The following PCDHGA9 variants were observed in gnomAD, a reference collection of about 807,000 sequenced individuals.
PCDHGA9 encodes the protein protocadherin gamma-A9.
A neutral mutation model predicts 62.5 loss-of-function variants in PCDHGA9; 37 were observed. The ratio of observed to expected loss-of-function variants is 0.59; its 90% CI spans 0.46 to 0.78. The LOEUF (loss-of-function observed/expected upper bound fraction) is 0.78, where lower values mean the gene tolerates loss of function less well. Ranked by LOEUF, PCDHGA9 falls within the 30% of genes least tolerant of loss-of-function variation. The probability of loss-of-function intolerance (pLI) is 0.00; values close to 1 mark genes in which losing one functional copy is unlikely to be tolerated. For synonymous variants in PCDHGA9, 459 were observed against 484.6 expected (o/e 0.95, Z 0.69); for missense variants, 1,138 against 1,166.2 (o/e 0.98, Z 0.35).
At position 141,403,189 on chromosome 5, in the gene PCDHGA9, G is replaced by A. The variant is rs1234686339; in HGVS notation, c.237G>A (p.Pro79=). 2 of 1,613,860 alleles carry A rather than the reference G, an allele frequency of 1.2e-6. No homozygotes were observed. Among genetic ancestry groups the A allele is most frequent in the South Asian group, 1.1e-5 (1 of 91,090 alleles). ...GGACGCAGCTTTTCTCTCTGAACCC[G>A]CGCAGCGGCACCTTGGTCACCGCGG... ...RGRTQLFSLN[P]RSGTLVTAGR... The change falls in exon 1 of 4, where the codon CCG becomes CCA. Residue 79 remains proline, a synonymous_variant. Coordinates refer to ENST00000573521, the MANE Select transcript of PCDHGA9 (RefSeq NM_018921.3).
chr5:141,494,449 G>A (rs185095384), intron 1 of PCDHGA9, among the ~76,000 whole-genome samples: 2 of 152,254 alleles, frequency 1.3e-5, no homozygotes, highest in East Asian at 3.9e-4. Flanking sequence ...CACTTTAGGG[G>A]GCTTTGTCTG....
At position 141,491,168 on chromosome 5, in the gene PCDHGA9, A is replaced by T. The variant is rs1293664414; in HGVS notation, c.2425-3639A>T. On this transcript the variant is annotated intron_variant, in intron 1 of 3. Transcript: ENST00000573521. This position sits in a 1 kb window ranked among gnomAD's most constrained non-coding sequence, Gnocchi z 6.9. ...CTGGAGGATGACTCTGACACCCAGC[A>T]GGTGGTGGTCCTGGTGAGGGACAAT... 3.1e-6 allele frequency: 5 copies of T among 1,614,160 alleles called. No individual in the cohort carries two copies. The highest frequency in any genetic ancestry group is 4.2e-6 in the Non-Finnish European group (5 of 1,179,988).
At chr5:141,435,728 A>T (rs549219746) in intron 1 of PCDHGA9, among the ~76,000 whole-genome samples, 1 of 152,200 alleles carries the variant, frequency 6.6e-6, no homozygotes, top group Non-Finnish European at 1.5e-5. Flanking sequence ...GCTAAAGTGT[A>T]TTACTCTTTG....
At chr5:141,444,358 A>T (rs2098433774) in intron 1 of PCDHGA9, among the ~76,000 whole-genome samples, 1 of 151,436 alleles carries the variant, frequency 6.6e-6, no homozygotes, top group Non-Finnish European at 1.5e-5. Context: ...TTTAGTAGAG[A>T]CGGGGTTTCT....
chr5:141,447,514 C>T (rs901543835), intron 1 of PCDHGA9, among the ~76,000 whole-genome samples: 20 of 152,196 alleles, frequency 1.3e-4, no homozygotes, highest in Admixed American at 8.5e-4. Context: ...AGATGCATAA[C>T]AATCATAACA....
Position 141,490,685 on chromosome 5 carries a change from A to G in PCDHGA9, c.2425-4122A>G, listed in dbSNP as rs2099703028. On this transcript the variant is annotated intron_variant, in intron 1 of 3. Coordinates refer to ENST00000573521, the MANE Select transcript of PCDHGA9 (RefSeq NM_018921.3). The surrounding 1 kb of genome is among the most constrained non-coding windows in gnomAD (Gnocchi z 5.4). ...TGCACTGTGGCTGCCTCAGATCCAGACACTGGGGATAATGCCCGCCTCACC... is the reference window on the plus strand; with the variant it reads ...TGCACTGTGGCTGCCTCAGATCCAGGCACTGGGGATAATGCCCGCCTCACC... The G allele has an allele frequency of 1.9e-6, 3 of 1,614,030 alleles. No individual in the cohort carries two copies. Among genetic ancestry groups the G allele is most frequent in the South Asian group, 2.2e-5 (2 of 91,082 alleles).
chr5:141,446,482 CTT>C (rs112180482), intron 1 of PCDHGA9, among the ~76,000 whole-genome samples: 6 of 147,048 alleles, frequency 4.1e-5, no homozygotes, highest in East Asian at 4.0e-4. Context: ...GGTCATCATT[CTT>C]TTTTTTTTTT....
chr5:141,454,894 G>A (rs1371368633), intron 1 of PCDHGA9, among the ~76,000 whole-genome samples: 2 of 126,736 alleles, frequency 1.6e-5, no homozygotes, highest in Non-Finnish European at 3.1e-5. Context: ...TGCTAGCACC[G>A]CCTCCCGGGT....
intron 1 of PCDHGA9, chr5:141,409,339 T>G: frequency 6.2e-7 from 1 of 1,613,954 alleles, no homozygotes; most frequent in South Asian, 1.1e-5. Context: ...TCGGAGGAAA[T>G]GGAGAAGTCA....
intron 1 of PCDHGA9, among the ~76,000 whole-genome samples, chr5:141,448,573 AT>A (rs976781630): frequency 1.3e-5 from 2 of 151,652 alleles, no homozygotes; most frequent in East Asian, 1.9e-4. Flanking sequence ...TTATTTCCCC[AT>A]TTTTTTTACA....
Position 141,432,691 on chromosome 5 carries a change from G to A in PCDHGA9, c.2424+27315G>A, listed in dbSNP as rs1308174141. Reference sequence around the variant, plus strand: ...ACGCGCTCAAGCAGAGCCTCGTAGTGGCCGTCCAGGACCACGGCCAGCCCC... The same window carrying A: ...ACGCGCTCAAGCAGAGCCTCGTAGTAGCCGTCCAGGACCACGGCCAGCCCC... On this transcript the variant is annotated intron_variant, in intron 1 of 3. Transcript: ENST00000573521. The surrounding 1 kb of genome is among the most constrained non-coding windows in gnomAD (Gnocchi z 6.0). 1 of 1,613,942 alleles carries A rather than the reference G, an allele frequency of 6.2e-7. No individual in the cohort carries two copies. Among genetic ancestry groups the A allele is most frequent in the South Asian group, 1.1e-5 (1 of 91,068 alleles).
intron 1 of PCDHGA9, among the ~76,000 whole-genome samples, chr5:141,457,384 G>A (rs2154565902): frequency 6.6e-6 from 1 of 152,270 alleles, no homozygotes; most frequent in African/African-American, 2.4e-5. Context: ...CCCAGAACTA[G>A]CATATTGATT....
intron 2 of PCDHGA9, among the ~76,000 whole-genome samples, chr5:141,502,988 C>A (rs1285178746): frequency 6.7e-6 from 1 of 150,346 alleles, no homozygotes; most frequent in Non-Finnish European, 1.5e-5. Flanking sequence ...GGATTACAGG[C>A]GTGTGCCACC....
Position 141,456,055 on chromosome 5 carries a change from G to A in PCDHGA9, c.2425-38752G>A, listed in dbSNP as rs78682041. On this transcript the variant is annotated intron_variant, in intron 1 of 3. Coordinates refer to ENST00000573521, the MANE Select transcript of PCDHGA9 (RefSeq NM_018921.3). Reference sequence around the variant, plus strand: ...TGGGACTACAGGCGCCCACCACCACGTCCGGCTAATTTTTTGTATTTTCAG... The same window carrying A: ...TGGGACTACAGGCGCCCACCACCACATCCGGCTAATTTTTTGTATTTTCAG... Among the ~76,000 whole-genome samples, 302 of 151,836 alleles carry A rather than the reference G, an allele frequency of 2.0e-3. 1 individual carries two copies. The highest frequency in any genetic ancestry group is 0.01 in the Middle Eastern group (3 of 292).
At position 141,491,150 on chromosome 5, in the gene PCDHGA9, A is replaced by G; in HGVS notation, c.2425-3657A>G. On this transcript the variant is annotated intron_variant, in intron 1 of 3. Coordinates refer to ENST00000573521, the MANE Select transcript of PCDHGA9 (RefSeq NM_018921.3). This position sits in a 1 kb window ranked among gnomAD's most constrained non-coding sequence, Gnocchi z 6.9. ...CGCACAGCCCGGGCCTTACTGGAGG[A>G]TGACTCTGACACCCAGCAGGTGGTG... is the stretch of plus-strand genomic sequence containing the variant. 1 of 1,614,122 alleles carries G rather than the reference A, an allele frequency of 6.2e-7. No individual in the cohort carries two copies. Among genetic ancestry groups the G allele is most frequent in the African/African-American group, 1.3e-5 (1 of 75,060 alleles).
At chr5:141,451,526 G>T (rs896029145) in intron 1 of PCDHGA9, among the ~76,000 whole-genome samples, 1 of 152,168 alleles carries the variant, frequency 6.6e-6, no homozygotes, top group African/African-American at 2.4e-5. Flanking sequence ...GCAAGTAAAG[G>T]AGAGTGCCAG....
chr5:141,484,922 GC>G (rs869160673), intron 1 of PCDHGA9: 1 of 481,378 alleles, frequency 2.1e-6, no homozygotes, highest in South Asian at 2.8e-5. Context: ...TAACCCTGCT[GC>G]TGTTGGGACG....
At position 141,485,464 on chromosome 5, in the gene PCDHGA9, G is replaced by A. The variant is rs2099614016; in HGVS notation, c.2425-9343G>A. ...CAATCGACCGAGAGGCACTGTGTGG[G>A]CTCAGTGCCAGCTGCATCGTGCCCC... is the stretch of plus-strand genomic sequence containing the variant. On this transcript the variant is annotated intron_variant, in intron 1 of 3. Coordinates refer to ENST00000573521, the MANE Select transcript of PCDHGA9 (RefSeq NM_018921.3). The surrounding 1 kb of genome is among the most constrained non-coding windows in gnomAD (Gnocchi z 5.7). 6.2e-7 allele frequency: 1 copy of A among 1,614,106 alleles called. No homozygotes were observed. The highest frequency in any genetic ancestry group is 8.5e-7 in the Non-Finnish European group (1 of 1,179,958).
chr5:141,500,574 G>A (rs2099801457), intron 2 of PCDHGA9, among the ~76,000 whole-genome samples: 1 of 152,164 alleles, frequency 6.6e-6, no homozygotes, highest in African/African-American at 2.4e-5. Context: ...ACACTTTCAT[G>A]TGACACTTTA....
Sources: gnomAD v4.1 joint callset for allele counts (sites outside exome capture counted in the v4.1 genomes callset) on GRCh38, gnomAD v4.1.1 for gene constraint, Gnocchi (gnomAD v3.1) non-coding constraint, MANE v1.5 for transcripts, NCBI Gene and HGNC (gene_info 2026-07-23, HGNC 2026-07-21) for gene names.